AFG2A: variants seen among roughly 807,000 people sequenced by gnomAD.
AFG2A encodes ATPase family gene 2 protein homolog A.
chr4:123,212,993 A>T, the AFG2A span, among the ~76,000 whole-genome samples: 1 of 152,170 alleles, frequency 6.6e-6, no homozygotes, highest in African/African-American at 2.4e-5. Context: ...ATAAAATATC[A>T]CATTATAAAG....
At chr4:123,186,713 A>G in the AFG2A span, among the ~76,000 whole-genome samples, 3 of 152,226 alleles carry the variant, frequency 2.0e-5, no homozygotes, top group South Asian at 6.2e-4. Flanking sequence ...TAAAAACTGT[A>G]TATACAGTTT....
At chr4:123,313,750 T>C in the AFG2A span, 8 of 729,034 alleles carry the variant, frequency 1.1e-5, no homozygotes, top group East Asian at 2.2e-4. Context: ...TTGAGTGGAC[T>C]AATTCTTGCA....
chr4:123,007,598 GTGTGTGTGTGTATA>G, the AFG2A span, among the ~76,000 whole-genome samples: 5 of 8,638 alleles, frequency 5.8e-4, no homozygotes, highest in African/African-American at 1.8e-3. Context: ...GTGTGTGTGT[GTGTGTGTGTGTATA>G]TATATATATA....
chr4:123,090,490 G>A, the AFG2A span: 1 of 1,436,182 alleles, frequency 7.0e-7, no homozygotes, highest in Non-Finnish European at 9.4e-7. Context: ...GATTTCTCTT[G>A]TTATAGACTA....
At chr4:122,967,720 C>A in the AFG2A span, among the ~76,000 whole-genome samples, 21 of 152,140 alleles carry the variant, frequency 1.4e-4, no homozygotes, top group Admixed American at 3.3e-4. Flanking sequence ...CGAGACTGGT[C>A]TTAAACTCGT....
chr4:123,152,597 C>T, the AFG2A span, among the ~76,000 whole-genome samples: 1 of 152,144 alleles, frequency 6.6e-6, no homozygotes, highest in African/African-American at 2.4e-5. Context: ...AATTCCAGAA[C>T]ACTGACAACA....
chr4:123,058,079 CAT>C, the AFG2A span, among the ~76,000 whole-genome samples: 25 of 152,156 alleles, frequency 1.6e-4, no homozygotes, highest in African/African-American at 3.4e-4. Flanking sequence ...AGAGCTGCCT[CAT>C]GTGATGAGAG....
the AFG2A span, among the ~76,000 whole-genome samples, chr4:123,016,782 G>T: frequency 6.6e-6 from 1 of 152,144 alleles, no homozygotes; most frequent in Non-Finnish European, 1.5e-5. Flanking sequence ...GCTGGGAGGT[G>T]GAGGTTGTAG....
the AFG2A span, among the ~76,000 whole-genome samples, chr4:123,254,632 T>G: frequency 6.6e-6 from 1 of 152,178 alleles, no homozygotes; most frequent in African/African-American, 2.4e-5. Flanking sequence ...ACCATAAAAT[T>G]CACTATTTGA....
chr4:123,215,354 T>C, the AFG2A span, among the ~76,000 whole-genome samples: 2 of 152,130 alleles, frequency 1.3e-5, no homozygotes, highest in African/African-American at 4.8e-5. Flanking sequence ...ATTGTATTTT[T>C]TAAAGGCTAG....
At chr4:123,003,393 G>C in the AFG2A span, among the ~76,000 whole-genome samples, 1 of 152,170 alleles carries the variant, frequency 6.6e-6, no homozygotes, top group Non-Finnish European at 1.5e-5. Flanking sequence ...GCTTTTTAGA[G>C]TTTCCAGTTT....
the AFG2A span, chr4:123,102,275 G>T: frequency 8.0e-6 from 1 of 124,596 alleles, no homozygotes; most frequent in East Asian, 2.4e-4. Context: ...GTGCAAAAGT[G>T]ATTAACCATG....
At chr4:123,149,529 A>G in the AFG2A span, among the ~76,000 whole-genome samples, 1 of 152,198 alleles carries the variant, frequency 6.6e-6, no homozygotes, top group South Asian at 2.1e-4. Context: ...TGATTATCAA[A>G]AGGGCTCTAA....
chr4:123,262,692 A>G, the AFG2A span, among the ~76,000 whole-genome samples: 3 of 152,238 alleles, frequency 2.0e-5, no homozygotes, highest in African/African-American at 7.2e-5. Context: ...AAAAAAGTAT[A>G]AGCTACCTAA....
chr4:122,982,493 C>G, the AFG2A span, among the ~76,000 whole-genome samples: 9 of 152,174 alleles, frequency 5.9e-5, no homozygotes, highest in Non-Finnish European at 1.2e-4. Context: ...CACATTAATG[C>G]TGGCCTCATA....
the AFG2A span, among the ~76,000 whole-genome samples, chr4:123,114,659 C>G: frequency 6.6e-6 from 1 of 152,226 alleles, no homozygotes; most frequent in Non-Finnish European, 1.5e-5. Context: ...GAGACCCAGG[C>G]CCACAGCCAC....
the AFG2A span, among the ~76,000 whole-genome samples, chr4:122,980,931 A>G: frequency 1.3e-5 from 2 of 152,062 alleles, no homozygotes; most frequent in Non-Finnish European, 2.9e-5. Context: ...TATGGTTCAC[A>G]CATATTTTCT....
the AFG2A span, among the ~76,000 whole-genome samples, chr4:123,281,380 G>A: frequency 0.77 from 116,781 of 151,956 alleles, 45,756 homozygotes; most frequent in Non-Finnish European, 0.85. Flanking sequence ...GATAAAGGGG[G>A]AAAAAAGTGA....
At chr4:122,988,008 T>C in the AFG2A span, among the ~76,000 whole-genome samples, 1 of 152,124 alleles carries the variant, frequency 6.6e-6, no homozygotes, top group Non-Finnish European at 1.5e-5. Flanking sequence ...GTTATGTCTT[T>C]ATTGCTCTCT....
Sources: gnomAD v4.1 joint callset for allele counts (sites outside exome capture counted in the v4.1 genomes callset) on GRCh38, gnomAD v4.1.1 for gene constraint, MANE v1.5 for transcripts, NCBI Gene and HGNC (gene_info 2026-07-23, HGNC 2026-07-21) for gene names.